PDE4D: variants seen among roughly 807,000 people sequenced by gnomAD.
PDE4D encodes the protein phosphodiesterase 4D.
PDE4D carries 24 observed loss-of-function variants against 87.4 expected under a neutral mutation model. The ratio of observed to expected loss-of-function variants is 0.27; its 90% CI spans 0.20 to 0.39. The LOEUF (loss-of-function observed/expected upper bound fraction) is 0.39, where lower values mean the gene tolerates loss of function less well. PDE4D is among the 10% of genes least tolerant of loss of function. The pLI, the probability that PDE4D is intolerant of heterozygous loss-of-function variation, is 1.00. For synonymous variants in PDE4D, 384 were observed against 383.2 expected, an observed-to-expected ratio of 1.00 and a Z score of -0.02; for missense variants, 714 against 1,041.0, an observed-to-expected ratio of 0.69 and a Z score of 4.32.
At chr5:59,323,500 T>A (rs1397542156) in intron 1 of PDE4D, among the ~76,000 whole-genome samples, 1 of 152,086 alleles carries the variant, frequency 6.6e-6, no homozygotes, top group East Asian at 1.9e-4. Context: ...GTCTGCTTCT[T>A]CTTTGGATAT....
intron 1 of PDE4D, among the ~76,000 whole-genome samples, chr5:60,419,012 A>T (rs37707): frequency 0.35 from 53,520 of 152,012 alleles, 10,038 homozygotes; most frequent in South Asian, 0.51. Flanking sequence ...AAAACAAAAA[A>T]GTCAGCATTC....
At chr5:60,036,338 A>G (rs930817396) in intron 2 of PDE4D, among the ~76,000 whole-genome samples, 1 of 152,210 alleles carries the variant, frequency 6.6e-6, no homozygotes, top group African/African-American at 2.4e-5. Flanking sequence ...TGTTCAAGTT[A>G]TTCTAAGGAA....
At chr5:59,557,145 C>A (rs1219346696) in intron 1 of PDE4D, among the ~76,000 whole-genome samples, 1 of 152,136 alleles carries the variant, frequency 6.6e-6, no homozygotes, top group Non-Finnish European at 1.5e-5. Context: ...TCTCAAGGTT[C>A]CCCAAGAGTA....
At chr5:59,550,843 C>G (rs1463042805) in intron 1 of PDE4D, among the ~76,000 whole-genome samples, 40 of 151,892 alleles carry the variant, frequency 2.6e-4, no homozygotes, top group Non-Finnish European at 1.5e-5. Context: ...ATTACAGGCA[C>G]GTGCCACCAC....
upstream of PDE4D, among the ~76,000 whole-genome samples, chr5:59,898,550 C>A (rs1197225835): frequency 6.6e-6 from 1 of 152,114 alleles, no homozygotes; most frequent in South Asian, 2.1e-4. Context: ...TTGAAATTAG[C>A]TATTTTCAGT....
chr5:59,608,764 C>A (rs1470191607), intron 1 of PDE4D, among the ~76,000 whole-genome samples: 1 of 152,082 alleles, frequency 6.6e-6, no homozygotes, highest in Non-Finnish European at 1.5e-5. Context: ...GTAGAGTCCC[C>A]CTCCCACTCT....
intron 1 of PDE4D, among the ~76,000 whole-genome samples, chr5:60,465,065 C>T (rs74772302): frequency 0.041 from 6,274 of 151,962 alleles, 233 homozygotes; most frequent in East Asian, 0.18. Context: ...GTTATAATCG[C>T]ACCACTGCAC....
intron 1 of PDE4D, among the ~76,000 whole-genome samples, chr5:59,574,072 T>TTATATATAAAAA (rs1822468573): frequency 8.1e-5 from 1 of 12,332 alleles, no homozygotes; most frequent in African/African-American, 2.4e-4. Flanking sequence ...ATATATATAT[T>TTATATATAAAAA]TATATATATA....
At chr5:60,199,169 G>T (rs1741619187) in intron 1 of PDE4D, among the ~76,000 whole-genome samples, 1 of 151,688 alleles carries the variant, frequency 6.6e-6, no homozygotes, top group Non-Finnish European at 1.5e-5. Context: ...GATGTGAATT[G>T]TGACACCAAC....
chr5:59,509,128 T>C (rs1003911093), intron 1 of PDE4D, among the ~76,000 whole-genome samples: 2 of 151,800 alleles, frequency 1.3e-5, no homozygotes, highest in Admixed American at 6.6e-5. Flanking sequence ...TTCATTAGAG[T>C]GAAATTGCAC....
intron 1 of PDE4D, among the ~76,000 whole-genome samples, chr5:59,285,264 A>G (rs2153551160): frequency 6.6e-6 from 1 of 152,006 alleles, no homozygotes; most frequent in South Asian, 2.1e-4. Flanking sequence ...CTTTGTATTC[A>G]GAATACCTAG....
chr5:60,213,000 G>A (rs1488249208), intron 1 of PDE4D, among the ~76,000 whole-genome samples: 4 of 152,058 alleles, frequency 2.6e-5, no homozygotes, highest in Non-Finnish European at 5.9e-5. Context: ...TCCCTTGAAT[G>A]TTCATGTTCT....
intron 1 of PDE4D, among the ~76,000 whole-genome samples, chr5:60,226,440 C>A (rs76466053): frequency 0.013 from 1,919 of 152,082 alleles, 63 homozygotes; most frequent in East Asian, 0.12. Flanking sequence ...AAGAAAAAAC[C>A]CAGTTGGAAT....
intron 2 of PDE4D, among the ~76,000 whole-genome samples, chr5:59,201,511 G>A (rs1561695339): frequency 6.6e-6 from 1 of 151,982 alleles, no homozygotes; most frequent in Non-Finnish European, 1.5e-5. Flanking sequence ...TTATAAAGGA[G>A]GCATTAGATT....
At chr5:59,411,530 T>C (rs1792680550) in intron 1 of PDE4D, among the ~76,000 whole-genome samples, 1 of 152,214 alleles carries the variant, frequency 6.6e-6, no homozygotes, top group African/African-American at 2.4e-5. Flanking sequence ...ACAGGTTTAG[T>C]TTCTCTGAGA....
At chr5:60,034,876 A>G (rs1317374676) in intron 2 of PDE4D, among the ~76,000 whole-genome samples, 2 of 152,304 alleles carry the variant, frequency 1.3e-5, no homozygotes, top group Admixed American at 6.5e-5. Flanking sequence ...TGGGTCAGAC[A>G]CAGTTCTGAA....
chr5:59,116,850 T>C (rs746228362), intron 5 of PDE4D, among the ~76,000 whole-genome samples: 3 of 152,206 alleles, frequency 2.0e-5, no homozygotes, highest in Non-Finnish European at 4.4e-5. Flanking sequence ...GCTACTATGA[T>C]AGACGTCCCA....
rs144084939 is a variant in PDE4D, at chr5:59,287,718, CAG to C, written c.456-71752_456-71751del. ...CAGATCCAGGAAACAGAGACACACA[CAG>C]AGAGAGAGAGAGAGAGACAGACAGA... On this transcript the variant is annotated intron_variant, in intron 1 of 14. Coordinates refer to ENST00000340635, the MANE Select transcript of PDE4D (RefSeq NM_001104631.2). 2.4e-3 allele frequency among the ~76,000 whole-genome samples: 359 copies of C among 149,170 alleles called. 1 individual carries two copies. Among genetic ancestry groups the C allele is most frequent in the Non-Finnish European group, 3.9e-3 (264 of 67,194 alleles).
chr5:60,499,293 G>T (rs1749959130), intron 1 of PDE4D, among the ~76,000 whole-genome samples: 1 of 152,110 alleles, frequency 6.6e-6, no homozygotes, highest in African/African-American at 2.4e-5. Flanking sequence ...TTTCCAAGGT[G>T]CTTCTTTTTA....
Sources: gnomAD v4.1 joint callset for allele counts (sites outside exome capture counted in the v4.1 genomes callset) on GRCh38, gnomAD v4.1.1 for gene constraint, MANE v1.5 for transcripts, NCBI Gene and HGNC (gene_info 2026-07-23, HGNC 2026-07-21) for gene names.